BCAT1: variants seen among roughly 807,000 people sequenced by gnomAD.
The protein encoded by BCAT1 is branched-chain-amino-acid aminotransferase, cytosolic.
BCAT1 carries 48 observed loss-of-function variants against 52.4 expected under a neutral mutation model. The observed-to-expected ratio is 0.92, with a 90% CI of 0.73 to 1.16. BCAT1 has a LOEUF of 1.16. Among genes scored for constraint, BCAT1 ranks in the 50% most tolerant of loss-of-function variants. The pLI, the probability that BCAT1 is intolerant of heterozygous loss-of-function variation, is 0.00. For missense variants in BCAT1, 451 were observed against 457.1 expected (o/e 0.99, Z 0.12); for synonymous variants, 167 against 161.3 (o/e 1.04, Z -0.27).
intron 5 of BCAT1, among the ~76,000 whole-genome samples, chr12:24,873,992 A>G (rs904178710): frequency 2.6e-5 from 4 of 152,218 alleles, no homozygotes. Context: ...AAACATTAGT[A>G]CAACAAGTAT....
chr12:24,851,886 A>G (rs1382496387), intron 5 of BCAT1, among the ~76,000 whole-genome samples: 2 of 152,120 alleles, frequency 1.3e-5, no homozygotes, highest in East Asian at 3.8e-4. Flanking sequence ...CCTTCATTTC[A>G]TGGGTGCCTT....
chr12:24,817,488 G>A lies in BCAT1; in HGVS notation c.*520C>T, dbSNP rs909674141. 6.4e-6 allele frequency: 1 copy of A among 156,122 alleles called. No individual in the cohort carries two copies. Among genetic ancestry groups the A allele is most frequent in the African/African-American group, 2.4e-5 (1 of 41,402 alleles). 9.7% of individuals were successfully genotyped at this position (156,122 alleles called of 1,614,324 possible). A position where few individuals can be genotyped will look rare whatever the true frequency, so the allele number is the denominator to read the frequency against. On this transcript the variant is annotated 3_prime_UTR_variant, in exon 11 of 11. Transcript: ENST00000261192. The stretch of plus-strand genomic sequence containing the variant: ...AGAAAACAGATATTTACCTTAACAC[G>A]GACTTGGAGGACCTTCAAAAAACAG...
At chr12:24,859,053 A>C (rs143254893) in intron 5 of BCAT1, among the ~76,000 whole-genome samples, 190 of 152,352 alleles carry the variant, frequency 1.2e-3, no homozygotes, top group African/African-American at 3.7e-3. Context: ...ACAACAACAA[A>C]AAAAAATTGT....
Position 24,816,945 on chromosome 12 carries a change from A to T in BCAT1, c.*1063T>A, listed in dbSNP as rs926316049. 5.0e-6 allele frequency: 1 copy of T among 198,806 alleles called. No individual in the cohort carries two copies. The highest frequency in any genetic ancestry group is 2.3e-5 in the African/African-American group (1 of 43,768). 12.3% of individuals were successfully genotyped at this position (198,806 alleles called of 1,614,324 possible). On this transcript the variant is annotated 3_prime_UTR_variant, in exon 11 of 11. Coordinates refer to ENST00000261192, the MANE Select transcript of BCAT1 (RefSeq NM_005504.7). ...TCAGGTGGTAATTCGAGTGATGGGA[A>T]GTAGCCATAAATACAGATGAAGCTC...
At chr12:24,943,910 G>A (rs571401333) in intron 1 of BCAT1, among the ~76,000 whole-genome samples, 2 of 152,080 alleles carry the variant, frequency 1.3e-5, no homozygotes, top group African/African-American at 4.8e-5. Flanking sequence ...CGTGAACCCA[G>A]GAGGCGGAGC....
chr12:24,878,779 A>G, intron 4 of BCAT1, 130 bp from the exon 5 acceptor site: 2 of 891,822 alleles, frequency 2.2e-6, no homozygotes, highest in Non-Finnish European at 3.2e-6. Flanking sequence ...GAAATGTTTG[A>G]GGTGATGGAT....
chr12:24,836,372 AC>A, intron 8 of BCAT1, 138 bp downstream of exon 8: 1 of 732,912 alleles, frequency 1.4e-6, no homozygotes, highest in South Asian at 2.1e-5. Flanking sequence ...CTAGAAGAAT[AC>A]TTTTCATTCA....
chr12:24,823,727 T>A (rs1398729850), intron 10 of BCAT1, among the ~76,000 whole-genome samples: 2 of 152,154 alleles, frequency 1.3e-5, no homozygotes, highest in African/African-American at 4.8e-5. Flanking sequence ...ATGTAATATG[T>A]ACTGGCTTCC....
chr12:24,847,798 A>G (rs1941391453), intron 6 of BCAT1, among the ~76,000 whole-genome samples: 1 of 152,220 alleles, frequency 6.6e-6, no homozygotes, highest in Non-Finnish European at 1.5e-5. Flanking sequence ...TAGAAAGCAG[A>G]AAGTTCTTGA....
Position 24,881,317 on chromosome 12 carries a change from A to T in BCAT1, c.374T>A (p.Val125Glu), listed in dbSNP as rs771543828. The change falls in exon 4 of 11, where the codon GTG (valine) becomes GAG (glutamate). Residue 125 changes from valine (V) to glutamate (E), a missense_variant. Physicochemically the swap from Val to Glu is moderately radical, Grantham distance 121 (BLOSUM62 -2). Coordinates refer to ENST00000261192, the MANE Select transcript of BCAT1 (RefSeq NM_005504.7). ...LNMDRMYRSA[V>E]RATLPVFDKE... ...CTTACATACCGGCAGAGTTGCCCTC[A>T]CAGCAGAGCGATACATTCTATCCAT... The T allele has an allele frequency of 4.0e-5, 64 of 1,610,910 alleles. 1 individual carries two copies. Among genetic ancestry groups the T allele is most frequent in the Non-Finnish European group, 5.2e-5 (61 of 1,177,516 alleles).
At chr12:24,902,668 TC>T (rs981143252) in intron 1 of BCAT1, 5 of 508,912 alleles carry the variant, frequency 9.8e-6, no homozygotes, top group African/African-American at 4.1e-5. Flanking sequence ...TACCCTCACG[TC>T]CCCCGTGGCG....
intron 7 of BCAT1, among the ~76,000 whole-genome samples, chr12:24,839,071 T>C (rs369273017): frequency 7.9e-5 from 12 of 152,296 alleles, no homozygotes; most frequent in African/African-American, 2.6e-4. Context: ...AACTGACATA[T>C]CTCCCTGCTT....
At chr12:24,938,318 G>T (rs1943796913) in intron 1 of BCAT1, among the ~76,000 whole-genome samples, 1 of 152,182 alleles carries the variant, frequency 6.6e-6, no homozygotes, top group Non-Finnish European at 1.5e-5. Context: ...GCAGAGAAAT[G>T]ACCTCACCTA....
chr12:24,821,787 G>A (rs140872648), intron 10 of BCAT1, among the ~76,000 whole-genome samples: 5 of 152,266 alleles, frequency 3.3e-5, no homozygotes, highest in African/African-American at 1.2e-4. Flanking sequence ...AAGGCCTTAC[G>A]GGATCATCCC....
intron 1 of BCAT1, among the ~76,000 whole-genome samples, chr12:24,912,634 G>A (rs1210441710): frequency 1.3e-5 from 2 of 151,522 alleles, no homozygotes; most frequent in African/African-American, 2.4e-5. Flanking sequence ...GGAAGCTGAG[G>A]TGAGAGGATT....
chr12:24,885,399 C>T (rs1458919500), intron 3 of BCAT1, among the ~76,000 whole-genome samples: 3 of 151,992 alleles, frequency 2.0e-5, no homozygotes, highest in Non-Finnish European at 4.4e-5. Flanking sequence ...ATGTAGAAAG[C>T]AATTTCATGC....
At chr12:24,861,342 G>A (rs7972930) in intron 5 of BCAT1, among the ~76,000 whole-genome samples, 134,530 of 152,266 alleles carry the variant, frequency 0.88, 59,643 homozygotes, top group East Asian at 1. Flanking sequence ...GGAAAGGCTT[G>A]TTATTTAGTT....
upstream of BCAT1, chr12:24,949,282 C>A: frequency 2.7e-6 from 1 of 364,954 alleles, no homozygotes; most frequent in Non-Finnish European, 5.0e-6. Flanking sequence ...GGCAGAGGTG[C>A]CAGTGTTGCA....
intron 7 of BCAT1, 100 bp from the exon 8 acceptor site, chr12:24,836,696 C>A (rs1181032474): frequency 4.8e-6 from 5 of 1,033,156 alleles, no homozygotes; most frequent in South Asian, 2.8e-5. Context: ...ATTTTGCTAG[C>A]AACAAACATA....
Sources: gnomAD v4.1 joint callset for allele counts (sites outside exome capture counted in the v4.1 genomes callset) on GRCh38, gnomAD v4.1.1 for gene constraint, MANE v1.5 for transcripts, NCBI Gene and HGNC (gene_info 2026-07-23, HGNC 2026-07-21) for gene names.